The following ZNF516 variants were observed in gnomAD, a reference collection of about 807,000 sequenced individuals.
The protein encoded by ZNF516 is zinc finger protein 516.
A neutral mutation model predicts 79.7 loss-of-function variants in ZNF516; 19 were observed. The ratio of observed to expected loss-of-function variants is 0.24; its 90% CI spans 0.17 to 0.35. The LOEUF (loss-of-function observed/expected upper bound fraction) is 0.35, where lower values mean the gene tolerates loss of function less well. Ranked by LOEUF, ZNF516 falls within the 10% of genes least tolerant of loss-of-function variation. The pLI, the probability that ZNF516 is intolerant of heterozygous loss-of-function variation, is 1.00. For synonymous variants in ZNF516, 877 were observed against 739.5 expected (o/e 1.19, Z -3.02); for missense variants, 1,678 against 1,679.5 (o/e 1.00, Z 0.02).
rs147738521 is a variant in ZNF516, at chr18:76,470,186, C to T, written c.-271-7045G>A. 4.2e-3 allele frequency among the ~76,000 whole-genome samples: 639 copies of T among 152,256 alleles called. 1 individual carries two copies. Among genetic ancestry groups the T allele is most frequent in the South Asian group, 9.1e-3 (44 of 4,828 alleles). ...TGGAACCGCCCATTGGTGGATTACC[C>T]GGCTTTGACAATTCACGTTAACTGC... is the stretch of plus-strand genomic sequence containing the variant. On this transcript the variant is annotated intron_variant, in intron 1 of 6. Transcript: ENST00000443185.
chr18:76,455,188 A>C (rs529663947), intron 2 of ZNF516, among the ~76,000 whole-genome samples: 1 of 152,162 alleles, frequency 6.6e-6, no homozygotes, highest in Admixed American at 6.5e-5. Flanking sequence ...AGACCATGAC[A>C]CTAATTCAGT....
chr18:76,429,860 G>A (rs2075640603), intron 3 of ZNF516, among the ~76,000 whole-genome samples: 1 of 152,182 alleles, frequency 6.6e-6, no homozygotes, highest in Non-Finnish European at 1.5e-5. Flanking sequence ...AGGCTGTTCT[G>A]CAAAAGCAAA....
intron 3 of ZNF516, among the ~76,000 whole-genome samples, chr18:76,391,352 C>T (rs551817162): frequency 1.3e-5 from 2 of 152,116 alleles, no homozygotes; most frequent in East Asian, 1.9e-4. Flanking sequence ...ACACCTGATC[C>T]CAATCCTAAC....
intron 3 of ZNF516, among the ~76,000 whole-genome samples, chr18:76,391,107 G>C (rs931296564): frequency 1.3e-5 from 2 of 152,160 alleles, no homozygotes; most frequent in African/African-American, 4.8e-5. Context: ...GGAGGACAGA[G>C]ATTGCACAAA....
chr18:76,449,816 T>G (rs940384472), intron 2 of ZNF516, among the ~76,000 whole-genome samples: 1 of 152,208 alleles, frequency 6.6e-6, no homozygotes, highest in Admixed American at 6.5e-5. Context: ...AAATAGCAGC[T>G]AGAAAGCTGG....
At chr18:76,372,846 A>G (rs759388994) in intron 4 of ZNF516, 6 of 152,364 alleles carry the variant, frequency 3.9e-5, no homozygotes, top group Admixed American at 2.0e-4. Flanking sequence ...AAACATTTCA[A>G]CCAACACTCA....
In ZNF516 at chr18:76,441,794, G is replaced by A. The variant is rs1463430869; in HGVS notation, c.1261C>T (p.Leu421=). 3.8e-6 allele frequency: 6 copies of A among 1,560,118 alleles called. No homozygotes were observed. The East Asian group carries it at 1.4e-4, about 37-fold the overall frequency. The part of the protein sequence containing the change: ...DPVNSYQAWQ[L]ATRGKVAEPA... ...TCGGCCACCTTACCCCGCGTGGCCA[G>A]CTGCCAGGCCTGGTAGCTGTTGACC... The change falls in exon 3 of 7, where the codon CTG becomes TTG. Residue 421 remains leucine, a synonymous_variant. Coordinates refer to ENST00000443185, the MANE Select transcript of ZNF516 (RefSeq NM_014643.4).
At chr18:76,485,867 T>TC (rs1914798687) in intron 1 of ZNF516, among the ~76,000 whole-genome samples, 1 of 133,494 alleles carries the variant, frequency 7.5e-6, no homozygotes, top group South Asian at 2.9e-4. Context: ...ACTCATTTCT[T>TC]TAAAAAAAAA....
At position 76,493,645 on chromosome 18, in the gene ZNF516, C is replaced by A. The variant is rs1467082447; in HGVS notation, c.-272+1499G>T. 6.6e-6 allele frequency: 1 copy of A among 152,154 alleles called. No individual in the cohort carries two copies. Among genetic ancestry groups the A allele is most frequent in the Non-Finnish European group, 1.5e-5 (1 of 68,028 alleles). 9.4% of individuals were successfully genotyped at this position (152,154 alleles called of 1,614,324 possible). On this transcript the variant is annotated intron_variant, in intron 1 of 6. Transcript: ENST00000443185. This position sits in a 1 kb window ranked among gnomAD's most constrained non-coding sequence, Gnocchi z 5.2. ...GGGTTTCAGACCTTAAAAATAACAT[C>A]TTTTCCAAAAAGACCTGACGTCACA...
chr18:76,370,635 G>A, intron 5 of ZNF516, 40 bp from the exon 6 acceptor site: 1 of 1,524,292 alleles, frequency 6.6e-7, no homozygotes, highest in Non-Finnish European at 8.9e-7. Context: ...CAGCGTGTGA[G>A]CTTCCGGACG....
At chr18:76,424,433 C>T (rs868763466) in intron 3 of ZNF516, among the ~76,000 whole-genome samples, 1 of 142,288 alleles carries the variant, frequency 7.0e-6, no homozygotes, top group Non-Finnish European at 1.5e-5. Flanking sequence ...AACATACACA[C>T]GCAGGTGAAA....
intron 2 of ZNF516, among the ~76,000 whole-genome samples, chr18:76,460,470 C>T (rs895956874): frequency 1.3e-5 from 2 of 152,092 alleles, no homozygotes; most frequent in African/African-American, 4.8e-5. Context: ...AAGTAACATC[C>T]GGGGCTACAA....
rs912796741 is a variant in ZNF516, at chr18:76,358,540, C to T, written c.*3958G>A. On this transcript the variant is annotated 3_prime_UTR_variant, in exon 7 of 7. Transcript: ENST00000443185. ...TCCCACCAACCACGGCAAACAAAGGCGTCCTCCTCACTTGAAGTCCTGGCC... is the reference window on the plus strand; with the variant it reads ...TCCCACCAACCACGGCAAACAAAGGTGTCCTCCTCACTTGAAGTCCTGGCC... The T allele has an allele frequency of 6.6e-6, 1 of 152,242 alleles. No individual in the cohort carries two copies. Among genetic ancestry groups the T allele is most frequent in the Admixed American group, 6.5e-5 (1 of 15,286 alleles). The allele number at this position is 152,242 out of a possible 1,614,324, so 9.4% of individuals were successfully genotyped here.
rs1487906695 is a variant in ZNF516, at chr18:76,362,558, C to T, written c.3433-1G>A. The T allele has an allele frequency of 1.2e-6, 2 of 1,608,400 alleles. No individual in the cohort carries two copies. Among genetic ancestry groups the T allele is most frequent in the Non-Finnish European group, 1.7e-6 (2 of 1,175,252 alleles). On this transcript the variant is annotated splice_acceptor_variant, in intron 6 of 6. Transcript: ENST00000443185. LOFTEE classifies it high-confidence loss of function. ...TACCTGTGTTAGAATGGTCTCTCCC[C>T]TGGGTGAGAAAAAGGAAAGAACAGG... is the stretch of plus-strand genomic sequence containing the variant.
At chr18:76,443,953 G>A (rs572616010) in intron 2 of ZNF516, among the ~76,000 whole-genome samples, 1 of 152,330 alleles carries the variant, frequency 6.6e-6, no homozygotes, top group South Asian at 2.1e-4. Flanking sequence ...AGGGTGAGGA[G>A]GGCAGAGGCC....
Position 76,441,286 on chromosome 18 carries a change from G to A in ZNF516, c.1769C>T (p.Ala590Val). 1 of 1,610,992 alleles carries A rather than the reference G, an allele frequency of 6.2e-7. No homozygotes were observed. The highest frequency in any genetic ancestry group is 1.1e-5 in the South Asian group (1 of 90,762). Reference sequence around the variant, plus strand: ...GGCGCCCTCCTCACCACTGTCTTCGGCAGCCTCGTCGGCCAGGCCAGAGCC... The same window carrying A: ...GGCGCCCTCCTCACCACTGTCTTCGACAGCCTCGTCGGCCAGGCCAGAGCC... ...SPGSGLADEA[A>V]EDSGEEGAPE... The change falls in exon 3 of 7, where the codon GCC (alanine) becomes GTC (valine). Residue 590 changes from alanine (A) to valine (V), a missense_variant. Coordinates refer to ENST00000443185, the MANE Select transcript of ZNF516 (RefSeq NM_014643.4).
Position 76,358,370 on chromosome 18 carries a change from A to T in ZNF516, c.*4128T>A, listed in dbSNP as rs901977620. The T allele has an allele frequency of 1.3e-5, 2 of 152,220 alleles. No homozygotes were observed. The highest frequency in any genetic ancestry group is 2.1e-4 in the South Asian group (1 of 4,830). 9.4% of individuals were successfully genotyped at this position (152,220 alleles called of 1,614,324 possible). On this transcript the variant is annotated 3_prime_UTR_variant, in exon 7 of 7. Coordinates refer to ENST00000443185, the MANE Select transcript of ZNF516 (RefSeq NM_014643.4). ...AATATAATGTTATAAATTGTATTTT[A>T]AAAAAAGAAATACAAATTCTATGGT...
Position 76,493,483 on chromosome 18 carries a change from G to T in ZNF516, c.-272+1661C>A, listed in dbSNP as rs1414378182. On this transcript the variant is annotated intron_variant, in intron 1 of 6. Coordinates refer to ENST00000443185, the MANE Select transcript of ZNF516 (RefSeq NM_014643.4). This position sits in a 1 kb window ranked among gnomAD's most constrained non-coding sequence, Gnocchi z 5.2. The stretch of plus-strand genomic sequence containing the variant: ...TCCTAATTTATGAACTCGCCGTTTT[G>T]ATTTTATTATTTAAGCATGCGCCAG... 6.6e-6 allele frequency: 1 copy of T among 152,302 alleles called. No homozygotes were observed. The allele number at this position is 152,302 out of a possible 1,614,324, so 9.4% of individuals were successfully genotyped here. A position where few individuals can be genotyped will look rare whatever the true frequency, so the allele number is the denominator to read the frequency against.
chr18:76,447,323 G>C (rs1001442561), intron 2 of ZNF516, among the ~76,000 whole-genome samples: 1 of 152,234 alleles, frequency 6.6e-6, no homozygotes, highest in African/African-American at 2.4e-5. Flanking sequence ...CTGTAAGCCA[G>C]GAGGGTTTCG....
Sources: gnomAD v4.1 joint callset for allele counts (sites outside exome capture counted in the v4.1 genomes callset) on GRCh38, gnomAD v4.1.1 for gene constraint, Gnocchi (gnomAD v3.1) non-coding constraint, MANE v1.5 for transcripts, NCBI Gene and HGNC (gene_info 2026-07-23, HGNC 2026-07-21) for gene names.